The following DDAH1 variants were observed in gnomAD, a reference collection of about 807,000 sequenced individuals.
DDAH1 encodes N(G),N(G)-dimethylarginine dimethylaminohydrolase 1.
Under a neutral mutation model 28.8 loss-of-function variants are expected in DDAH1, and 19 were observed. That is an observed-to-expected ratio of 0.66 (90% CI 0.46 to 0.97). The LOEUF is 0.97. DDAH1 is among the 50% of genes least tolerant of loss of function. The pLI, the probability that DDAH1 is intolerant of heterozygous loss-of-function variation, is 0.00. For synonymous variants in DDAH1, 153 were observed against 154.4 expected (o/e 0.99, Z 0.07); for missense variants, 326 against 375.9 (o/e 0.87, Z 1.10).
chr1:85,523,969 T>C (rs1200392489), intron 1 of DDAH1, among the ~76,000 whole-genome samples: 6 of 151,898 alleles, frequency 4.0e-5, no homozygotes, highest in Non-Finnish European at 7.4e-5. Flanking sequence ...GAACATTCAT[T>C]ATCCTCACAC....
intron 2 of DDAH1, among the ~76,000 whole-genome samples, chr1:85,470,724 G>C (rs992628447): frequency 6.6e-6 from 1 of 152,290 alleles, no homozygotes; most frequent in East Asian, 1.9e-4. Context: ...TGAATGGGCA[G>C]GCAGTGAGTT....
intron 1 of DDAH1, among the ~76,000 whole-genome samples, chr1:85,512,658 G>T (rs1657288956): frequency 6.6e-6 from 1 of 152,152 alleles, no homozygotes; most frequent in African/African-American, 2.4e-5. Context: ...AAAGTCTCAG[G>T]ATACAAAATC....
chr1:85,384,364 G>A (rs966110771), intron 1 of DDAH1, among the ~76,000 whole-genome samples: 3 of 152,118 alleles, frequency 2.0e-5, no homozygotes, highest in Admixed American at 6.6e-5. Context: ...TACCATTTTA[G>A]TTCTCCCAAA....
chr1:85,544,439 A>T (rs1263984295), intron 1 of DDAH1, among the ~76,000 whole-genome samples: 1 of 152,184 alleles, frequency 6.6e-6, no homozygotes, highest in East Asian at 1.9e-4. Flanking sequence ...GCTAAATAAA[A>T]ACTCCCAGAG....
intron 4 of DDAH1, among the ~76,000 whole-genome samples, chr1:85,333,268 C>T (rs1274535625): frequency 6.6e-6 from 1 of 152,140 alleles, no homozygotes; most frequent in Non-Finnish European, 1.5e-5. Context: ...ACCATATATG[C>T]CCAGAATAAA....
At chr1:85,352,844 C>A (rs1649292453) in intron 2 of DDAH1, among the ~76,000 whole-genome samples, 2 of 151,310 alleles carry the variant, frequency 1.3e-5, no homozygotes, top group Admixed American at 1.3e-4. Flanking sequence ...TTCCATGAAC[C>A]TATCAACATT....
chr1:85,464,785 C>T lies in DDAH1; in HGVS notation c.261G>A (p.Thr87=). 1.3e-6 allele frequency: 2 copies of T among 1,578,934 alleles called. No homozygotes were observed. The highest frequency in any genetic ancestry group is 1.7e-6 in the Non-Finnish European group (2 of 1,169,572). The change falls in exon 1 of 6, where the codon ACG becomes ACA. Residue 87 remains threonine, a synonymous_variant. Coordinates refer to ENST00000284031, the MANE Select transcript of DDAH1 (RefSeq NM_012137.4). This position sits in a 1 kb window ranked among gnomAD's most constrained non-coding sequence, Gnocchi z 4.4. The stretch of plus-strand genomic sequence containing the variant: ...GCGCCCCGGGTCGGGTGATGAGGGC[C>T]GTCTCCTCGCACACCACGGCCACGT... ...VEDVAVVCEE[T]ALITRPGAPS... is the part of the protein sequence containing the mutation.
chr1:85,377,978 T>C (rs1650773896), intron 1 of DDAH1, among the ~76,000 whole-genome samples: 2 of 152,184 alleles, frequency 1.3e-5, no homozygotes, highest in South Asian at 4.1e-4. Flanking sequence ...ATGAATAAAG[T>C]TTTCAGCATG....
intron 2 of DDAH1, among the ~76,000 whole-genome samples, chr1:85,489,343 A>G (rs1293923005): frequency 6.6e-6 from 1 of 152,196 alleles, no homozygotes; most frequent in Non-Finnish European, 1.5e-5. Context: ...ATGTCTGTAA[A>G]ATATGGCTGA....
At chr1:85,364,240 A>C (rs1649944745) in intron 1 of DDAH1, among the ~76,000 whole-genome samples, 1 of 152,116 alleles carries the variant, frequency 6.6e-6, no homozygotes, top group Non-Finnish European at 1.5e-5. Context: ...TCAGAATTGG[A>C]GCCCATGCCT....
At chr1:85,379,613 C>T (rs573693543) in intron 1 of DDAH1, 28 of 985,414 alleles carry the variant, frequency 2.8e-5, no homozygotes, top group Middle Eastern at 5.2e-4. Flanking sequence ...TGCAGAGCCA[C>T]ACCACACACC....
At chr1:85,523,113 AT>A (rs1381715078) in intron 1 of DDAH1, among the ~76,000 whole-genome samples, 1 of 151,858 alleles carries the variant, frequency 6.6e-6, no homozygotes, top group Non-Finnish European at 1.5e-5. Context: ...GTCAGAGGCC[AT>A]TTAAGTTGCT....
At chr1:85,524,886 C>T (rs1251302702) in intron 1 of DDAH1, among the ~76,000 whole-genome samples, 23 of 133,750 alleles carry the variant, frequency 1.7e-4, no homozygotes, top group African/African-American at 6.1e-4. Context: ...GAAATCATCC[C>T]AGTACTTAAT....
At chr1:85,396,268 A>G (rs372589135) in intron 1 of DDAH1, among the ~76,000 whole-genome samples, 21 of 152,304 alleles carry the variant, frequency 1.4e-4, no homozygotes, top group East Asian at 1.3e-3. Flanking sequence ...TATGAAGAAA[A>G]GAGGTTTACT....
chr1:85,326,779 A>G (rs1382438102), intron 4 of DDAH1, among the ~76,000 whole-genome samples: 1 of 152,226 alleles, frequency 6.6e-6, no homozygotes, highest in Non-Finnish European at 1.5e-5. Flanking sequence ...TCTTGAAGGG[A>G]TAGGCCCATA....
At chr1:85,569,425 C>A (rs1469324519) in intron 1 of DDAH1, among the ~76,000 whole-genome samples, 1 of 152,126 alleles carries the variant, frequency 6.6e-6, no homozygotes, top group Non-Finnish European at 1.5e-5. Context: ...CAAAACCTGG[C>A]CCTAGGATGT....
At chr1:85,501,563 C>T (rs115685554) in intron 1 of DDAH1, among the ~76,000 whole-genome samples, 4,791 of 152,238 alleles carry the variant, frequency 0.031, 260 homozygotes, top group African/African-American at 0.11. Context: ...TTAGCCTGAC[C>T]TACAAATTCC....
chr1:85,465,560 G>A (rs1655346200), upstream of DDAH1, among the ~76,000 whole-genome samples: 1 of 152,178 alleles, frequency 6.6e-6, no homozygotes, highest in South Asian at 2.1e-4. Flanking sequence ...ACAAAGTCTA[G>A]CCCACTTTTG....
At chr1:85,333,963 A>G (rs1024459377) in intron 4 of DDAH1, among the ~76,000 whole-genome samples, 4 of 152,202 alleles carry the variant, frequency 2.6e-5, no homozygotes, top group Non-Finnish European at 5.9e-5. Flanking sequence ...CCCCAAAAAA[A>G]TCTTTTCCCC....
Sources: allele counts gnomAD v4.1 joint callset (sites outside exome capture counted in the v4.1 genomes callset), GRCh38; gene constraint gnomAD v4.1.1; non-coding constraint Gnocchi (gnomAD v3.1); transcripts MANE v1.5; gene names NCBI Gene and HGNC (gene_info 2026-07-23, HGNC 2026-07-21).